The following DSCAM variants were observed in gnomAD, a reference collection of about 807,000 sequenced individuals.
The protein encoded by DSCAM is DS cell adhesion molecule, also known as cell adhesion molecule DSCAM.
In DSCAM, 47 loss-of-function variants were observed where a neutral mutation model predicts 217.7. The ratio of observed to expected loss-of-function variants is 0.22; its 90% CI spans 0.17 to 0.28. DSCAM has a LOEUF of 0.28. Among genes scored for constraint, DSCAM ranks in the 10% least tolerant of loss-of-function variants. The pLI is 1.00. For missense variants in DSCAM, 2,080 were observed against 2,618.3 expected, an observed-to-expected ratio of 0.79 and a Z score of 4.49; for synonymous variants, 1,056 against 1,015.3, an observed-to-expected ratio of 1.04 and a Z score of -0.76.
intron 1 of DSCAM, among the ~76,000 whole-genome samples, chr21:40,777,026 A>G (rs1158604032): frequency 1.3e-5 from 2 of 152,166 alleles, no homozygotes; most frequent in Non-Finnish European, 2.9e-5. Flanking sequence ...CTTTCACAAA[A>G]ATACCATAGA....
intron 11 of DSCAM, among the ~76,000 whole-genome samples, chr21:40,260,246 C>A (rs540469309): frequency 6.6e-6 from 1 of 152,062 alleles, no homozygotes; most frequent in African/African-American, 2.4e-5. Context: ...AGTAGCCAAA[C>A]GGATAGCCAC....
rs369818623 is a variant in DSCAM at position 40,453,939 on chromosome 21, T to G, written c.509-84694A>C. Among the ~76,000 whole-genome samples, 4 of 152,198 alleles carry G rather than the reference T, an allele frequency of 2.6e-5. No homozygotes were observed. The East Asian group carries it at 7.7e-4, about 29-fold the overall frequency. Reference sequence around the variant, plus strand: ...GGGGATATGTCCTTGGCTGGGCCTATGCCTGGCACATGAAACTATTCTACT... The same window carrying G: ...GGGGATATGTCCTTGGCTGGGCCTAGGCCTGGCACATGAAACTATTCTACT... On this transcript the variant is annotated intron_variant, in intron 3 of 32. Coordinates refer to ENST00000400454, the MANE Select transcript of DSCAM (RefSeq NM_001389.5).
chr21:40,805,732 G>A (rs192040895), intron 1 of DSCAM, among the ~76,000 whole-genome samples: 1,773 of 150,206 alleles, frequency 0.012, 13 homozygotes, highest in Non-Finnish European at 0.018. Flanking sequence ...TTTTTTTAAT[G>A]GAGTCTTGCT....
chr21:40,656,372 C>T (rs1281342734), intron 3 of DSCAM, among the ~76,000 whole-genome samples: 2 of 152,080 alleles, frequency 1.3e-5, no homozygotes, highest in South Asian at 2.1e-4. Context: ...TTGCAAACCA[C>T]ACAGCCAAGC....
intron 3 of DSCAM, among the ~76,000 whole-genome samples, chr21:40,518,662 A>G (rs2076334612): frequency 7.3e-6 from 1 of 137,836 alleles, no homozygotes; most frequent in Non-Finnish European, 1.5e-5. Flanking sequence ...ATGTGTATAT[A>G]TATGTGTATG....
intron 20 of DSCAM, among the ~76,000 whole-genome samples, chr21:40,096,750 G>A (rs1341028407): frequency 3.3e-5 from 5 of 151,508 alleles, no homozygotes; most frequent in Non-Finnish European, 2.9e-5. Flanking sequence ...AACTACTCAA[G>A]AGTTTTAGTT....
intron 11 of DSCAM, among the ~76,000 whole-genome samples, chr21:40,244,244 A>C (rs900951991): frequency 4.6e-5 from 7 of 152,320 alleles, no homozygotes; most frequent in Admixed American, 3.9e-4. Flanking sequence ...TGAGGTCAGG[A>C]GTTCGAGACC....
intron 3 of DSCAM, among the ~76,000 whole-genome samples, chr21:40,608,851 G>T (rs928952101): frequency 1.3e-5 from 2 of 152,112 alleles, no homozygotes; most frequent in Admixed American, 1.3e-4. Context: ...TTAAATTTAA[G>T]GTTATTAATT....
intron 3 of DSCAM, among the ~76,000 whole-genome samples, chr21:40,597,997 C>T (rs982649416): frequency 4.6e-5 from 7 of 152,172 alleles, no homozygotes; most frequent in Non-Finnish European, 1.0e-4. Context: ...GTGTGTTGTA[C>T]GTTCTGTGCC....
intron 1 of DSCAM, among the ~76,000 whole-genome samples, chr21:40,786,416 CTA>C (rs2091595101): frequency 1.3e-5 from 2 of 152,144 alleles, no homozygotes; most frequent in South Asian, 4.1e-4. Flanking sequence ...TCCTTGCTAC[CTA>C]TAATGAGGTC....
intron 11 of DSCAM, among the ~76,000 whole-genome samples, chr21:40,246,853 T>C (rs897504615): frequency 6.6e-6 from 1 of 152,134 alleles, no homozygotes; most frequent in Non-Finnish European, 1.5e-5. Flanking sequence ...GGGTCAATCT[T>C]TAACCTTGAT....
intron 3 of DSCAM, among the ~76,000 whole-genome samples, chr21:40,621,005 T>C (rs546223794): frequency 1.5e-4 from 23 of 152,314 alleles, no homozygotes; most frequent in African/African-American, 3.6e-4. Flanking sequence ...TAGGATTCCA[T>C]TGATATGACA....
At chr21:40,221,315 C>A (rs2091287397) in intron 11 of DSCAM, among the ~76,000 whole-genome samples, 1 of 151,706 alleles carries the variant, frequency 6.6e-6, no homozygotes, top group Non-Finnish European at 1.5e-5. Flanking sequence ...TACTCAGATC[C>A]AAGATCTAGA....
chr21:40,700,735 CTTT>C (rs775869471), intron 2 of DSCAM, among the ~76,000 whole-genome samples: 3 of 137,940 alleles, frequency 2.2e-5, no homozygotes, highest in Non-Finnish European at 3.1e-5. Context: ...TTCTTTCTTT[CTTT>C]TTTTTTTTTT....
At chr21:40,645,532 A>G (rs1424999329) in intron 3 of DSCAM, among the ~76,000 whole-genome samples, 1 of 152,116 alleles carries the variant, frequency 6.6e-6, no homozygotes, top group African/African-American at 2.4e-5. Flanking sequence ...GTAGGCATCC[A>G]CTATTTAGTA....
chr21:40,466,201 C>T (rs1273448002), intron 3 of DSCAM, among the ~76,000 whole-genome samples: 5 of 152,172 alleles, frequency 3.3e-5, no homozygotes, highest in African/African-American at 7.2e-5. Context: ...AGAAGTAAGG[C>T]GGCATGCAGC....
Position 40,354,002 on chromosome 21 carries a change from A to C in DSCAM, c.656-259T>G, listed in dbSNP as rs11702802. Among the ~76,000 whole-genome samples, 5 of 152,242 alleles carry C rather than the reference A, an allele frequency of 3.3e-5. No individual in the cohort carries two copies. In the South Asian group the frequency reaches 1.0e-3, roughly 31 times the overall value. On this transcript the variant is annotated intron_variant, in intron 4 of 32. Coordinates refer to ENST00000400454, the MANE Select transcript of DSCAM (RefSeq NM_001389.5). Reference sequence around the variant, plus strand: ...GTAAATGAATAAAAGATCCAGAATGAGCAGGCTTCAACAAGAGCTGTCAGC... The same window carrying C: ...GTAAATGAATAAAAGATCCAGAATGCGCAGGCTTCAACAAGAGCTGTCAGC...
In DSCAM at chr21:40,080,248, T is replaced by G. The variant is rs756962624; in HGVS notation, c.4324A>C (p.Lys1442Gln). ...SERSYRLENL[K>Q]CGTWYKFTLT... is the part of the protein sequence containing the mutation. ...GTGAACTTATACCAAGTCCCACATT[T>G]GAGATTTTCCAAGCGATAGGAACGT... Residue 1442 changes from lysine to glutamine, a missense_variant, in exon 25 of 33, where the codon AAA becomes CAA. Transcript: ENST00000400454. The G allele has an allele frequency of 1.9e-6, 3 of 1,613,536 alleles. No homozygotes were observed. The Admixed American group carries it at 5.0e-5, about 27-fold the overall frequency.
chr21:40,431,008 C>T (rs1358006953), intron 3 of DSCAM, among the ~76,000 whole-genome samples: 1 of 152,186 alleles, frequency 6.6e-6, no homozygotes. Context: ...AAATGAAAAC[C>T]AGCAATTCGA....
Sources: gnomAD v4.1 joint callset for allele counts (sites outside exome capture counted in the v4.1 genomes callset) on GRCh38, gnomAD v4.1.1 for gene constraint, MANE v1.5 for transcripts, NCBI Gene and HGNC (gene_info 2026-07-23, HGNC 2026-07-21) for gene names.